The following RAVER2 variants were observed in gnomAD, a reference collection of about 807,000 sequenced individuals.
RAVER2 encodes ribonucleoprotein, PTB binding 2.
In RAVER2, 46 loss-of-function variants were observed where a neutral mutation model predicts 78.1. That is an observed-to-expected ratio of 0.59 (90% CI 0.46 to 0.75). The LOEUF is 0.75. Among genes scored for constraint, RAVER2 ranks in the 30% least tolerant of loss-of-function variants. The pLI is 0.00. For missense variants in RAVER2, 793 were observed against 837.5 expected (o/e 0.95, Z 0.66); for synonymous variants, 311 against 313.3 (o/e 0.99, Z 0.08).
intron 8 of RAVER2, among the ~76,000 whole-genome samples, chr1:64,806,562 A>C (rs1182872217): frequency 6.6e-6 from 1 of 152,236 alleles, no homozygotes; most frequent in African/African-American, 2.4e-5. Flanking sequence ...TAAGTGTTTA[A>C]CAACCAGCTC....
chr1:64,828,572 G>C (rs144793840), intron 11 of RAVER2, among the ~76,000 whole-genome samples: 4 of 151,630 alleles, frequency 2.6e-5, no homozygotes, highest in African/African-American at 9.7e-5. Context: ...CCTTACACTA[G>C]AAGTTAGATA....
chr1:64,787,338 G>T (rs192238616), intron 4 of RAVER2, among the ~76,000 whole-genome samples: 81 of 152,232 alleles, frequency 5.3e-4, no homozygotes, highest in Non-Finnish European at 8.7e-4. Context: ...AGAGGTTGTG[G>T]GGAAGGGGAT....
chr1:64,751,874 A>T (rs1158013924), intron 1 of RAVER2, among the ~76,000 whole-genome samples: 1 of 152,218 alleles, frequency 6.6e-6, no homozygotes, highest in Admixed American at 6.5e-5. Context: ...AATTATTTAT[A>T]TATTTTTAAA....
intron 1 of RAVER2, among the ~76,000 whole-genome samples, chr1:64,760,926 G>C (rs995808605): frequency 4.6e-5 from 7 of 152,144 alleles, no homozygotes; most frequent in African/African-American, 1.7e-4. Context: ...GTTTGCTGTA[G>C]AGTCTGTCAA....
At chr1:64,826,170 A>G (rs1653999043) in intron 11 of RAVER2, among the ~76,000 whole-genome samples, 1 of 152,262 alleles carries the variant, frequency 6.6e-6, no homozygotes, top group Admixed American at 6.5e-5. Context: ...TGTCTACTAT[A>G]TGACAGGACT....
At chr1:64,824,152 C>G (rs1207117608) in intron 11 of RAVER2, among the ~76,000 whole-genome samples, 1 of 152,140 alleles carries the variant, frequency 6.6e-6, no homozygotes, top group East Asian at 1.9e-4. Context: ...GGCAGTTGTC[C>G]AGCATGCAGC....
chr1:64,758,912 AT>A (rs1651930915), intron 1 of RAVER2, among the ~76,000 whole-genome samples: 1 of 151,774 alleles, frequency 6.6e-6, no homozygotes. Flanking sequence ...AATATTTAAT[AT>A]TTACATATTA....
intron 6 of RAVER2, among the ~76,000 whole-genome samples, chr1:64,803,770 TATATGTATTAGAC>T (rs1316109671): frequency 1.3e-5 from 2 of 152,234 alleles, no homozygotes; most frequent in Admixed American, 6.5e-5. Context: ...GTATCTGACA[TATATGTATTAGAC>T]ATTGTGCTAA....
At chr1:64,769,324 T>C (rs1652255147) in intron 2 of RAVER2, among the ~76,000 whole-genome samples, 1 of 151,978 alleles carries the variant, frequency 6.6e-6, no homozygotes, top group Non-Finnish European at 1.5e-5. Flanking sequence ...TCAAAAAAAA[T>C]GGTAAAAAGG....
At chr1:64,751,137 C>T (rs1039819620) in intron 1 of RAVER2, among the ~76,000 whole-genome samples, 5 of 152,228 alleles carry the variant, frequency 3.3e-5, no homozygotes, top group Admixed American at 6.5e-5. Flanking sequence ...GCCCATTTCC[C>T]AGTTAATGAC....
intron 2 of RAVER2, among the ~76,000 whole-genome samples, chr1:64,774,160 G>A (rs1652398378): frequency 2.0e-5 from 3 of 152,082 alleles, no homozygotes; most frequent in Admixed American, 2.0e-4. Flanking sequence ...ATCTTTTGCT[G>A]TGCAGAAGCT....
intron 5 of RAVER2, among the ~76,000 whole-genome samples, chr1:64,799,786 A>T (rs958267619): frequency 1.3e-5 from 2 of 152,114 alleles, no homozygotes; most frequent in African/African-American, 4.8e-5. Context: ...GGATTGCTGG[A>T]TCCATATGGT....
chr1:64,775,509 C>T lies in RAVER2; in HGVS notation c.317-2114C>T, dbSNP rs745339816. Among the ~76,000 whole-genome samples the T allele has an allele frequency of 3.3e-5, 5 of 152,148 alleles. No homozygotes were observed. In the East Asian group the frequency reaches 7.7e-4, roughly 23 times the overall value. ...ACATGGGAATGGGTGTGATTGCCCCCAGAGGAAGAGGGTGTAGAGTGCGAA... is the reference window on the plus strand; with the variant it reads ...ACATGGGAATGGGTGTGATTGCCCCTAGAGGAAGAGGGTGTAGAGTGCGAA... On this transcript the variant is annotated intron_variant, in intron 2 of 11. Transcript: ENST00000294428.
chr1:64,770,565 G>A (rs565104588), intron 2 of RAVER2, among the ~76,000 whole-genome samples: 1 of 152,056 alleles, frequency 6.6e-6, no homozygotes, highest in East Asian at 1.9e-4. Context: ...AAAAGTAGCA[G>A]ACATGATGAA....
intron 6 of RAVER2, among the ~76,000 whole-genome samples, chr1:64,803,598 A>C (rs1180967916): frequency 2.6e-5 from 4 of 152,190 alleles, no homozygotes; most frequent in Non-Finnish European, 4.4e-5. Context: ...TAGAATTCTA[A>C]TTACAAATCA....
At chr1:64,752,417 G>T (rs1651725581) in intron 1 of RAVER2, among the ~76,000 whole-genome samples, 1 of 152,182 alleles carries the variant, frequency 6.6e-6, no homozygotes, top group Non-Finnish European at 1.5e-5. Flanking sequence ...GAGGAGTACA[G>T]GAATGTTGCT....
chr1:64,774,747 ATCT>A (rs1652415707), intron 2 of RAVER2, among the ~76,000 whole-genome samples: 1 of 152,142 alleles, frequency 6.6e-6, no homozygotes, highest in Non-Finnish European at 1.5e-5. Flanking sequence ...ATAGCATTGA[ATCT>A]ATAAATTACT....
chr1:64,755,917 A>C (rs1173723394), intron 1 of RAVER2, among the ~76,000 whole-genome samples: 1 of 151,700 alleles, frequency 6.6e-6, no homozygotes, highest in Non-Finnish European at 1.5e-5. Flanking sequence ...ATGCCCAACC[A>C]CCCTGAATAC....
intron 11 of RAVER2, among the ~76,000 whole-genome samples, chr1:64,825,114 TTATTA>T (rs1653978552): frequency 6.6e-6 from 1 of 152,120 alleles, no homozygotes; most frequent in South Asian, 2.1e-4. Context: ...CAGAGACATT[TTATTA>T]TATCATTAAT....
Sources: allele counts gnomAD v4.1 joint callset (sites outside exome capture counted in the v4.1 genomes callset), GRCh38; gene constraint gnomAD v4.1.1; transcripts MANE v1.5; gene names NCBI Gene and HGNC (gene_info 2026-07-23, HGNC 2026-07-21).